Variants in PDE1A observed in about 807,000 individuals in gnomAD.
PDE1A encodes the protein dual specificity calcium/calmodulin-dependent 3',5'-cyclic nucleotide phosphodiesterase 1A.
A neutral mutation model predicts 61.7 loss-of-function variants in PDE1A; 35 were observed. The observed-to-expected ratio is 0.57, with a 90% confidence interval of 0.43 to 0.75. The LOEUF is 0.75. PDE1A is among the 30% of genes least tolerant of loss of function. PDE1A has a pLI of 0.00. For missense variants in PDE1A, 597 were observed against 630.6 expected, an observed-to-expected ratio of 0.95 and a Z score of 0.57; for synonymous variants, 232 against 213.2, an observed-to-expected ratio of 1.09 and a Z score of -0.77.
At chr2:182,157,969 C>T (rs1691186873) in intron 13 of PDE1A, among the ~76,000 whole-genome samples, 1 of 152,182 alleles carries the variant, frequency 6.6e-6, no homozygotes, top group African/African-American at 2.4e-5. Flanking sequence ...TATGCTTTAA[C>T]CTGGGGTGAG....
At chr2:182,522,634 G>A (rs1424144836) in intron 1 of PDE1A, 15 of 1,238,894 alleles carry the variant, frequency 1.2e-5, no homozygotes, top group African/African-American at 7.6e-5. Context: ...AGAACAATCC[G>A]TACATGTGAG....
At chr2:182,608,046 AAAG>A in the PDE1A span, among the ~76,000 whole-genome samples, 1 of 152,188 alleles carries the variant, frequency 6.6e-6, no homozygotes, top group Non-Finnish European at 1.5e-5. Flanking sequence ...AATACCCCTA[AAAG>A]AAGCCTTCAA....
At chr2:182,673,703 C>A in the PDE1A span, among the ~76,000 whole-genome samples, 1 of 151,574 alleles carries the variant, frequency 6.6e-6, no homozygotes. Context: ...TCTCAGAATT[C>A]TTTAAATAGA....
chr2:182,484,957 C>T (rs1687924276), intron 2 of PDE1A, among the ~76,000 whole-genome samples: 1 of 151,906 alleles, frequency 6.6e-6, no homozygotes, highest in East Asian at 1.9e-4. Flanking sequence ...GACAGTGTGG[C>T]GATCCCTCCA....
Position 182,186,083 on chromosome 2 carries a change from A to G in PDE1A, c.1329-4T>C. ...TAACCCCACAATGGTGGTTGAGCTA[A>G]CAGTAACAACCAAAGAAACCAAAAA... On this transcript the variant is annotated splice_region_variant and splice_polypyrimidine_tract_variant and intron_variant, in intron 12 of 13. Coordinates refer to ENST00000351439, the Ensembl canonical transcript of PDE1A. 4.3e-6 allele frequency: 7 copies of G among 1,612,750 alleles called. No individual in the cohort carries two copies. The highest frequency in any genetic ancestry group is 5.9e-6 in the Non-Finnish European group (7 of 1,178,990).
At chr2:182,598,470 G>T in the PDE1A span, among the ~76,000 whole-genome samples, 1 of 151,926 alleles carries the variant, frequency 6.6e-6, no homozygotes, top group African/African-American at 2.4e-5. Context: ...TACTTGGGAG[G>T]CTGAGGCATG....
the PDE1A span, among the ~76,000 whole-genome samples, chr2:182,580,590 C>T: frequency 1.3e-5 from 2 of 152,106 alleles, no homozygotes; most frequent in Non-Finnish European, 2.9e-5. Context: ...CCAGGGGAAA[C>T]AGTTCAGTCC....
At chr2:182,588,563 C>A in the PDE1A span, among the ~76,000 whole-genome samples, 1 of 152,088 alleles carries the variant, frequency 6.6e-6, no homozygotes, top group African/African-American at 2.4e-5. Flanking sequence ...ACCATATGAC[C>A]CTTTTTCATA....
chr2:182,230,984 G>T, intron 5 of PDE1A, 31 bp downstream of exon 5: 1 of 1,012,322 alleles, frequency 9.9e-7, no homozygotes, highest in South Asian at 1.4e-5. Flanking sequence ...CCAATTCTAA[G>T]AGCATTTCAC....
At chr2:182,715,052 TG>T in the PDE1A span, among the ~76,000 whole-genome samples, 22 of 152,206 alleles carry the variant, frequency 1.4e-4, no homozygotes, top group Non-Finnish European at 3.1e-4. Flanking sequence ...AACCTGTCTG[TG>T]ATCTGGTCCC....
chr2:182,400,717 G>A (rs1701954930), intron 1 of PDE1A, among the ~76,000 whole-genome samples: 1 of 152,206 alleles, frequency 6.6e-6, no homozygotes, highest in South Asian at 2.1e-4. Flanking sequence ...GTAAGAGGAA[G>A]GAGAGACTGG....
In PDE1A at chr2:182,518,982, A is replaced by G. The variant is rs1690386709; in HGVS notation, c.101+3294T>C. Reference sequence around the variant, plus strand: ...GGTGTGGAACTCTTTGTATGTTTAGAGAAAAAAAAAGCAACAGTACATGAC... The same window carrying G: ...GGTGTGGAACTCTTTGTATGTTTAGGGAAAAAAAAAGCAACAGTACATGAC... On this transcript the variant is annotated intron_variant, in intron 2 of 14. Transcript: ENST00000410103. Among the ~76,000 whole-genome samples, 4 of 152,160 alleles carry G rather than the reference A, an allele frequency of 2.6e-5. No individual in the cohort carries two copies. In the South Asian group the frequency reaches 8.3e-4, roughly 32 times the overall value.
chr2:182,357,371 A>G (rs142747900), intron 1 of PDE1A, among the ~76,000 whole-genome samples: 194 of 152,264 alleles, frequency 1.3e-3, no homozygotes, highest in African/African-American at 4.4e-3. Flanking sequence ...CGTAGATGAC[A>G]TCAATATTTT....
the PDE1A span, among the ~76,000 whole-genome samples, chr2:182,656,446 A>G: frequency 6.6e-6 from 1 of 152,222 alleles, no homozygotes; most frequent in Non-Finnish European, 1.5e-5. Context: ...AAATGGAAAG[A>G]TGGGAAGAGC....
chr2:182,662,228 T>C, the PDE1A span, among the ~76,000 whole-genome samples: 7 of 71,232 alleles, frequency 9.8e-5, no homozygotes, highest in African/African-American at 4.5e-4. Context: ...AGTTGAAATA[T>C]CCAAAAAAAA....
At chr2:182,710,839 C>A in the PDE1A span, among the ~76,000 whole-genome samples, 3 of 152,166 alleles carry the variant, frequency 2.0e-5, no homozygotes, top group Non-Finnish European at 4.4e-5. Context: ...TTTCTCGAAT[C>A]TGTTTATTTC....
the PDE1A span, among the ~76,000 whole-genome samples, chr2:182,531,392 A>G: frequency 2.7e-3 from 409 of 151,396 alleles, 3 homozygotes; most frequent in African/African-American, 9.4e-3. Context: ...AAAAAAAAAT[A>G]CCATAATAAT....
chr2:182,202,475 C>A (rs1377805437), intron 8 of PDE1A, among the ~76,000 whole-genome samples: 1 of 152,044 alleles, frequency 6.6e-6, no homozygotes. Context: ...ACATTTAATC[C>A]TCCTAACAAT....
chr2:182,518,008 G>A (rs1690318547), intron 2 of PDE1A, among the ~76,000 whole-genome samples: 1 of 152,110 alleles, frequency 6.6e-6, no homozygotes, highest in Non-Finnish European at 1.5e-5. Flanking sequence ...GGTGACCCTA[G>A]GTCTGAATAG....
Sources: allele counts gnomAD v4.1 joint callset (sites outside exome capture counted in the v4.1 genomes callset), GRCh38; gene constraint gnomAD v4.1.1; transcripts MANE v1.5; gene names NCBI Gene and HGNC (gene_info 2026-07-23, HGNC 2026-07-21).